MPP7: variants seen among roughly 807,000 people sequenced by gnomAD.
MPP7 encodes MAGUK p55 scaffold protein 7.
A neutral mutation model predicts 76.5 loss-of-function variants in MPP7; 60 were observed. The observed-to-expected ratio is 0.78, with a 90% confidence interval of 0.64 to 0.97. The LOEUF (loss-of-function observed/expected upper bound fraction) is 0.97, where lower values mean the gene tolerates loss of function less well. MPP7 is among the 50% of genes least tolerant of loss of function. The pLI, the probability that MPP7 is intolerant of heterozygous loss-of-function variation, is 0.00. For synonymous variants in MPP7, 237 were observed against 244.5 expected, an observed-to-expected ratio of 0.97 and a Z score of 0.29; for missense variants, 641 against 694.0, an observed-to-expected ratio of 0.92 and a Z score of 0.86.
chr10:28,238,727 A>G lies in MPP7; in HGVS notation c.-123T>C. The stretch of plus-strand genomic sequence containing the variant: ...GTCTACCAAGATCTGTATATTTTGT[A>G]AGCCGTTTCTAGAAAGGAAAGAAAC... On this transcript the variant is annotated 5_prime_UTR_variant, in exon 2 of 17. Coordinates refer to ENST00000683449, the MANE Select transcript of MPP7 (RefSeq NM_001318170.2). 3 of 913,242 alleles carry G rather than the reference A, an allele frequency of 3.3e-6. No homozygotes were observed. The South Asian group carries it at 4.4e-5, about 14-fold the overall frequency. 56.6% of individuals were successfully genotyped at this position (913,242 alleles called of 1,614,324 possible). A position where few individuals can be genotyped will look rare whatever the true frequency, so the allele number is the denominator to read the frequency against.
intron 2 of MPP7, among the ~76,000 whole-genome samples, chr10:28,323,531 G>C (rs561935600): frequency 7.2e-5 from 11 of 151,954 alleles, no homozygotes; most frequent in Non-Finnish European, 1.5e-4. Context: ...TCTAAGCTTA[G>C]GAAAAATTGC....
At chr10:28,064,424 C>T (rs745727884) in intron 13 of MPP7, among the ~76,000 whole-genome samples, 2 of 152,084 alleles carry the variant, frequency 1.3e-5, no homozygotes, top group African/African-American at 2.4e-5. Context: ...TGTGACAGAA[C>T]GCAGATCAGT....
chr10:28,083,064 C>G (rs1367333021), intron 12 of MPP7, among the ~76,000 whole-genome samples: 1 of 152,158 alleles, frequency 6.6e-6, no homozygotes, highest in Non-Finnish European at 1.5e-5. Flanking sequence ...GTTCCCGTGT[C>G]ATGTGACTAC....
At chr10:28,137,627 A>G (rs1431225787) in intron 5 of MPP7, among the ~76,000 whole-genome samples, 1 of 152,228 alleles carries the variant, frequency 6.6e-6, no homozygotes, top group African/African-American at 2.4e-5. Flanking sequence ...TGTTTTACAA[A>G]TATTGTTGGA....
chr10:28,309,051 C>A (rs1326593939), intron 2 of MPP7, among the ~76,000 whole-genome samples: 1 of 152,166 alleles, frequency 6.6e-6, no homozygotes, highest in Non-Finnish European at 1.5e-5. Context: ...GTCTTTATTT[C>A]CAGCCTTCAG....
At chr10:28,261,222 G>C (rs1839939665) in intron 1 of MPP7, among the ~76,000 whole-genome samples, 1 of 152,210 alleles carries the variant, frequency 6.6e-6, no homozygotes, top group Admixed American at 6.5e-5. Flanking sequence ...AATTAACTGT[G>C]AACACTTTCC....
At chr10:28,221,327 C>G (rs1343111106) in intron 2 of MPP7, among the ~76,000 whole-genome samples, 2 of 151,986 alleles carry the variant, frequency 1.3e-5, no homozygotes, top group Non-Finnish European at 2.9e-5. Flanking sequence ...TTTTTTTTAG[C>G]AACAGAATTC....
chr10:28,269,720 G>A (rs564737611), intron 1 of MPP7, among the ~76,000 whole-genome samples: 12 of 151,598 alleles, frequency 7.9e-5, no homozygotes, highest in African/African-American at 2.7e-4. Context: ...TAGAGATGGG[G>A]TTTCACAATG....
intron 1 of MPP7, among the ~76,000 whole-genome samples, chr10:28,253,390 T>C (rs1032732538): frequency 1.3e-5 from 2 of 152,080 alleles, no homozygotes; most frequent in East Asian, 3.9e-4. Flanking sequence ...GCCCGACAAA[T>C]GTAAAACAGA....
chr10:28,051,484 G>T lies in MPP7; in HGVS notation c.*2581C>A, dbSNP rs540940434. On this transcript the variant is annotated 3_prime_UTR_variant, in exon 17 of 17. Coordinates refer to ENST00000683449, the MANE Select transcript of MPP7 (RefSeq NM_001318170.2). ...GACTACAGTCAATAATAGGAGTACA[G>T]AATTTACTTTTTGGTCTTGATTTTT... The T allele has an allele frequency of 6.6e-6, 1 of 152,264 alleles. No homozygotes were observed. The highest frequency in any genetic ancestry group is 2.1e-4 in the South Asian group (1 of 4,826). 9.4% of individuals were successfully genotyped at this position (152,264 alleles called of 1,614,324 possible). A position where few individuals can be genotyped will look rare whatever the true frequency, so the allele number is the denominator to read the frequency against.
At chr10:28,154,838 T>C (rs1588858239) in intron 3 of MPP7, among the ~76,000 whole-genome samples, 1 of 152,166 alleles carries the variant, frequency 6.6e-6, no homozygotes, top group Non-Finnish European at 1.5e-5. Flanking sequence ...ACATTTATTT[T>C]TCACTCCCCA....
chr10:28,057,936 G>C, intron 15 of MPP7: 1 of 1,102,908 alleles, frequency 9.1e-7, no homozygotes, highest in Non-Finnish European at 1.1e-6. Context: ...ATCCACTGAA[G>C]TTCTCAGTTC....
At chr10:28,200,514 T>C (rs1564696922) in intron 3 of MPP7, among the ~76,000 whole-genome samples, 1 of 152,214 alleles carries the variant, frequency 6.6e-6, no homozygotes, top group Non-Finnish European at 1.5e-5. Context: ...ACATATACTT[T>C]GAAAAACAGC....
chr10:28,147,224 C>T (rs1344773682), intron 5 of MPP7, among the ~76,000 whole-genome samples: 2 of 152,168 alleles, frequency 1.3e-5, no homozygotes, highest in Non-Finnish European at 2.9e-5. Flanking sequence ...CTTAACTTTA[C>T]TTAAAACAAA....
chr10:28,176,830 G>A (rs1836877214), intron 3 of MPP7, among the ~76,000 whole-genome samples: 1 of 130,880 alleles, frequency 7.6e-6, no homozygotes, highest in Admixed American at 9.4e-5. Context: ...TGAACAATGA[G>A]AACACTTGGA....
chr10:28,194,008 G>C (rs1287300119), intron 3 of MPP7, among the ~76,000 whole-genome samples: 2 of 151,850 alleles, frequency 1.3e-5, no homozygotes, highest in Non-Finnish European at 2.9e-5. Flanking sequence ...GCTTCTTTTT[G>C]TTTGTTTGTT....
intron 2 of MPP7, among the ~76,000 whole-genome samples, chr10:28,218,254 G>T (rs944750697): frequency 2.6e-5 from 4 of 152,158 alleles, no homozygotes; most frequent in African/African-American, 9.7e-5. Flanking sequence ...GGCAGCGGTG[G>T]TAGAGAGGTG....
At chr10:28,166,999 C>T (rs370699401) in intron 3 of MPP7, among the ~76,000 whole-genome samples, 21 of 152,110 alleles carry the variant, frequency 1.4e-4, no homozygotes, top group African/African-American at 4.6e-4. Context: ...ATTGATATAG[C>T]TTTTCTGCTA....
chr10:28,079,286 CA>C (rs1276127400), intron 12 of MPP7, among the ~76,000 whole-genome samples: 25 of 152,082 alleles, frequency 1.6e-4, no homozygotes. Context: ...ACAAGTTTTT[CA>C]TTCTGTAAAC....
Sources: gnomAD v4.1 joint callset for allele counts (sites outside exome capture counted in the v4.1 genomes callset) on GRCh38, gnomAD v4.1.1 for gene constraint, MANE v1.5 for transcripts, NCBI Gene and HGNC (gene_info 2026-07-23, HGNC 2026-07-21) for gene names.